KIAA0586: variants seen among roughly 807,000 people sequenced by gnomAD.
KIAA0586 encodes the protein protein TALPID3.
A neutral mutation model predicts 169.8 loss-of-function variants in KIAA0586; 144 were observed. That is an observed-to-expected ratio of 0.85 (90% CI 0.74 to 0.97). The LOEUF is 0.97. Ranked by LOEUF, KIAA0586 falls within the 50% of genes least tolerant of loss-of-function variation. The pLI, the probability that KIAA0586 is intolerant of heterozygous loss-of-function variation, is 0.00. For missense variants in KIAA0586, 1,854 were observed against 1,823.0 expected, an observed-to-expected ratio of 1.02 and a Z score of -0.31; for synonymous variants, 625 against 612.4, an observed-to-expected ratio of 1.02 and a Z score of -0.30.
At chr14:58,433,361 T>A (rs1012206141) in intron 4 of KIAA0586, 2 of 152,312 alleles carry the variant, frequency 1.3e-5, no homozygotes, top group Non-Finnish European at 2.9e-5. Context: ...GCCACCATGA[T>A]CAGCCTTCAG....
chr14:58,493,490 G>T (rs1393803280), intron 26 of KIAA0586, among the ~76,000 whole-genome samples: 1 of 152,040 alleles, frequency 6.6e-6, no homozygotes, highest in Non-Finnish European at 1.5e-5. Context: ...GGTTGTCTTC[G>T]CATGAACAAA....
intron 29 of KIAA0586, 56 bp from the exon 30 acceptor site, chr14:58,540,015 C>A: frequency 2.9e-6 from 3 of 1,029,388 alleles, no homozygotes; most frequent in African/African-American, 1.6e-5. Context: ...AGGAATGAAT[C>A]ATGATTATTT....
At chr14:58,451,301 C>A (rs1042649133) in intron 8 of KIAA0586, among the ~76,000 whole-genome samples, 2 of 152,164 alleles carry the variant, frequency 1.3e-5, no homozygotes, top group African/African-American at 4.8e-5. Flanking sequence ...TCATGGCTCA[C>A]TGCAGCCTTT....
intron 4 of KIAA0586, 133 bp from the exon 5 acceptor site, chr14:58,442,573 A>G (rs1229339674): frequency 2.2e-5 from 14 of 623,880 alleles, no homozygotes; most frequent in South Asian, 1.9e-4. Flanking sequence ...TGTTAACCAA[A>G]TGACCTTGTT....
chr14:58,436,876 C>T (rs373271430), intron 4 of KIAA0586, among the ~76,000 whole-genome samples: 84 of 152,258 alleles, frequency 5.5e-4, no homozygotes, highest in African/African-American at 1.7e-3. Context: ...TCTAGAACAA[C>T]GGGAGAACTC....
the KIAA0586 span, among the ~76,000 whole-genome samples, chr14:58,560,671 C>A: frequency 2.0e-5 from 3 of 152,116 alleles, no homozygotes; most frequent in African/African-American, 7.2e-5. Context: ...AGGAAACAAA[C>A]CTCACTTATC....
rs45568037 is a variant in KIAA0586 at position 58,547,845 on chromosome 14, G to A, written c.4560G>A (p.Pro1520=). Residue 1520 remains proline, a synonymous_variant, in exon 31 of 31, where the codon CCG becomes CCA. Transcript: ENST00000652326. ...MPPAKMSVML[P]SVNLEDCSQS... Reference sequence around the variant, plus strand: ...CTGCCAAGATGTCAGTGATGCTGCCGTCAGTGAACCTCGAGGACTGCTCTC... The same window carrying A: ...CTGCCAAGATGTCAGTGATGCTGCCATCAGTGAACCTCGAGGACTGCTCTC... The A allele has an allele frequency of 0.013, 20,846 of 1,613,662 alleles. 204 individuals carry two copies. Among genetic ancestry groups the A allele is most frequent in the Non-Finnish European group, 0.015 (17,573 of 1,179,658 alleles).
At chr14:58,506,789 A>C (rs1315802411) in intron 27 of KIAA0586, among the ~76,000 whole-genome samples, 4 of 152,158 alleles carry the variant, frequency 2.6e-5, no homozygotes, top group African/African-American at 9.7e-5. Flanking sequence ...ATTATTTGCT[A>C]TATCTAGGAA....
At chr14:58,499,420 T>C (rs977861091) in intron 27 of KIAA0586, among the ~76,000 whole-genome samples, 1 of 149,460 alleles carries the variant, frequency 6.7e-6, no homozygotes, top group African/African-American at 2.5e-5. Flanking sequence ...GCCTGGCTAA[T>C]TTTTTGTATT....
intron 14 of KIAA0586, among the ~76,000 whole-genome samples, chr14:58,461,530 G>T (rs1361637876): frequency 6.6e-6 from 1 of 151,974 alleles, no homozygotes; most frequent in Non-Finnish European, 1.5e-5. Context: ...GACCTACTGG[G>T]CTCAAGTGAT....
chr14:58,467,922 G>A lies in KIAA0586; in HGVS notation c.2442G>A (p.Gln814=). ...EKKDPPQLTV[Q]VLPSVDIDSI... Reference sequence around the variant, plus strand: ...AGGATCCTCCTCAGCTTACTGTGCAGGTATGCCAGGGTGCATGAGTAGAAA... The same window carrying A: ...AGGATCCTCCTCAGCTTACTGTGCAAGTATGCCAGGGTGCATGAGTAGAAA... Residue 814 remains glutamine (Q), a splice_region_variant and synonymous_variant, in exon 16 of 31, where the codon CAG becomes CAA. Transcript: ENST00000652326. 13 of 1,593,620 alleles carry A rather than the reference G, an allele frequency of 8.2e-6. No homozygotes were observed. Among genetic ancestry groups the A allele is most frequent in the Non-Finnish European group, 1.1e-5 (13 of 1,172,244 alleles).
At chr14:58,558,031 G>A in the KIAA0586 span, among the ~76,000 whole-genome samples, 2 of 142,478 alleles carry the variant, frequency 1.4e-5, no homozygotes, top group Middle Eastern at 3.8e-3. Context: ...CACCTCATCC[G>A]CCTGAGGAGC....
chr14:58,542,170 A>G (rs1467754513), intron 30 of KIAA0586, among the ~76,000 whole-genome samples: 6 of 152,134 alleles, frequency 3.9e-5, no homozygotes, highest in African/African-American at 1.2e-4. Flanking sequence ...AGCTTGTGTA[A>G]ATGAATACTT....
chr14:58,463,701 C>T (rs1165499073), intron 14 of KIAA0586, among the ~76,000 whole-genome samples: 2 of 152,006 alleles, frequency 1.3e-5, no homozygotes, highest in Non-Finnish European at 2.9e-5. Context: ...GCCTGTAGTC[C>T]CAGCTACTTG....
intron 22 of KIAA0586, among the ~76,000 whole-genome samples, 178 bp downstream of exon 22, chr14:58,487,344 C>T (rs1036507850): frequency 1.3e-5 from 2 of 152,168 alleles, no homozygotes; most frequent in Non-Finnish European, 2.9e-5. Context: ...CATGGTGGCT[C>T]ACGCCTGTAA....
chr14:58,539,910 T>G (rs2140096758), intron 29 of KIAA0586, 161 bp from the exon 30 acceptor site: 1 of 520,192 alleles, frequency 1.9e-6, no homozygotes, highest in Non-Finnish European at 3.4e-6. Flanking sequence ...TTTAACTTCC[T>G]TCTTTACATT....
chr14:58,501,980 G>A (rs1348216663), intron 27 of KIAA0586, among the ~76,000 whole-genome samples: 5 of 152,148 alleles, frequency 3.3e-5, no homozygotes, highest in Non-Finnish European at 7.3e-5. Context: ...GGCTTGACTA[G>A]GGTTGAAGGA....
chr14:58,463,818 C>A lies in KIAA0586; in HGVS notation c.2060-2017C>A, dbSNP rs2040518754. 1.2e-4 allele frequency among the ~76,000 whole-genome samples: 10 copies of A among 86,872 alleles called. No individual in the cohort carries two copies. In the Admixed American group the frequency reaches 1.4e-3, roughly 12 times the overall value. The allele number at this position is 86,872 out of a possible 152,430, so 57.0% of individuals were successfully genotyped here. ...TCCAGCCTGGGTAACTGAGCAAGAC[C>A]CTGTCTCTAAAAAAAAAAAAATTAG... On this transcript the variant is annotated intron_variant, in intron 14 of 30. Coordinates refer to ENST00000652326, the MANE Select transcript of KIAA0586 (RefSeq NM_001329943.3).
At chr14:58,531,676 T>C (rs1023666005) in intron 29 of KIAA0586, among the ~76,000 whole-genome samples, 1 of 152,110 alleles carries the variant, frequency 6.6e-6, no homozygotes, top group African/African-American at 2.4e-5. Flanking sequence ...AGCAATCCCT[T>C]TACTGGGTAT....
Sources: gnomAD v4.1 joint callset for allele counts (sites outside exome capture counted in the v4.1 genomes callset) on GRCh38, gnomAD v4.1.1 for gene constraint, MANE v1.5 for transcripts, NCBI Gene and HGNC (gene_info 2026-07-23, HGNC 2026-07-21) for gene names.